Variants in MYO7B observed in about 807,000 individuals in gnomAD.
MYO7B encodes myosin VIIB.
A neutral mutation model predicts 259.7 loss-of-function variants in MYO7B; 212 were observed. The ratio of observed to expected loss-of-function variants is 0.82; its 90% CI spans 0.73 to 0.91. MYO7B has a LOEUF of 0.91. Ranked by LOEUF, MYO7B falls within the 40% of genes least tolerant of loss-of-function variation. The pLI, the probability that MYO7B is intolerant of heterozygous loss-of-function variation, is 0.00. For synonymous variants in MYO7B, 1,197 were observed against 1,166.4 expected (o/e 1.03, Z -0.54); for missense variants, 2,732 against 2,813.5 (o/e 0.97, Z 0.66).
intron 10 of MYO7B, among the ~76,000 whole-genome samples, chr2:127,581,635 C>A (rs895222192): frequency 3.3e-5 from 5 of 152,162 alleles, no homozygotes; most frequent in African/African-American, 1.2e-4. Flanking sequence ...CCCTCACCCT[C>A]ATTTTCCAAG....
intron 18 of MYO7B, 124 bp from the exon 19 acceptor site, chr2:127,596,338 T>A (rs555485128): frequency 1.0e-5 from 8 of 762,866 alleles, no homozygotes; most frequent in African/African-American, 1.0e-4. Context: ...AGGGCCCCCT[T>A]CTCTGGCCTG....
intron 5 of MYO7B, among the ~76,000 whole-genome samples, chr2:127,568,930 A>G (rs1302085001): frequency 4.8e-5 from 7 of 146,890 alleles, no homozygotes; most frequent in Admixed American, 6.8e-5. Context: ...TTTTCAGGCC[A>G]AGCACGGTGG....
At position 127,585,343 on chromosome 2, in the gene MYO7B, TG is replaced by T. The variant is rs1341663395; in HGVS notation, c.1690+432del. Among the ~76,000 whole-genome samples, 2 of 152,176 alleles carry T rather than the reference TG, an allele frequency of 1.3e-5. No individual in the cohort carries two copies. Among genetic ancestry groups the T allele is most frequent in the African/African-American group, 4.8e-5 (2 of 41,432 alleles). ...TGCATAAATGGAACCATATAATACG[TG>T]GTCTTCTGTGGCTGGTTTCTTTCAC... On this transcript the variant is annotated intron_variant, in intron 14 of 47. Transcript: ENST00000409816. The surrounding 1 kb of genome is among the most constrained non-coding windows in gnomAD (Gnocchi z 4.3).
rs1300744681 is a variant in MYO7B, at chr2:127,609,943, T to C, written c.3119T>C (p.Val1040Ala). 1 of 1,608,140 alleles carries C rather than the reference T, an allele frequency of 6.2e-7. No homozygotes were observed. Among genetic ancestry groups the C allele is most frequent in the African/African-American group, 1.3e-5 (1 of 74,798 alleles). Residue 1040 changes from valine to alanine, a missense_variant, in exon 24 of 48, where the codon GTG (valine) becomes GCG (alanine). Around this residue, in one of 3 missense-constraint regions of MYO7B, gnomAD observed 1,906 missense variants for 2,026.4 expected, o/e 0.94. Coordinates refer to ENST00000409816, the MANE Select transcript of MYO7B (RefSeq NM_001393586.1). The surrounding 1 kb of genome is among the most constrained non-coding windows in gnomAD (Gnocchi z 6.9). ...AGGAGCAGCCAGCAGGGCAGCTCAG[T>C]GATGCGGCAGATCCATGACACGCTG... ...YARSSQQGSS[V>A]MRQIHDTLGR...
Position 127,627,979 on chromosome 2 carries a change from C to T in MYO7B, c.4461-393C>T, listed in dbSNP as rs987058964. ...CCTGTATGCCACGAAGTACCGACAG[C>T]ATCACCCATTCTGCAGATGAGCGGA... is the stretch of plus-strand genomic sequence containing the variant. On this transcript the variant is annotated intron_variant, in intron 33 of 47. Transcript: ENST00000409816. The surrounding 1 kb of genome is among the most constrained non-coding windows in gnomAD (Gnocchi z 5.6). 7 of 470,236 alleles carry T rather than the reference C, an allele frequency of 1.5e-5. No individual in the cohort carries two copies. Among genetic ancestry groups the T allele is most frequent in the Non-Finnish European group, 2.1e-5 (5 of 236,594 alleles). The allele number at this position is 470,236 out of a possible 1,614,324, so 29.1% of individuals were successfully genotyped here. A position where few individuals can be genotyped will look rare whatever the true frequency, so the allele number is the denominator to read the frequency against.
In MYO7B at chr2:127,576,606, G is replaced by A. The variant is rs1281747586; in HGVS notation, c.747G>A (p.Glu249=). 3 of 1,600,816 alleles carry A rather than the reference G, an allele frequency of 1.9e-6. No homozygotes were observed. The highest frequency in any genetic ancestry group is 2.6e-6 in the Non-Finnish European group (3 of 1,170,790). The change falls in exon 8 of 48, where the codon GAG becomes GAA. Residue 249 remains glutamate, a synonymous_variant. Coordinates refer to ENST00000409816, the MANE Select transcript of MYO7B (RefSeq NM_001393586.1). This position sits in a 1 kb window ranked among gnomAD's most constrained non-coding sequence, Gnocchi z 4.9. ...KSRVCRQAPE[E]RNYHIFYCML... ...TCCCTCCCTCCCAGGCTCCCGAGGAGCGGAACTACCATATCTTCTACTGCA... is the reference window on the plus strand; with the variant it reads ...TCCCTCCCTCCCAGGCTCCCGAGGAACGGAACTACCATATCTTCTACTGCA...
intron 37 of MYO7B, 84 bp from the exon 38 acceptor site, chr2:127,631,516 C>T: frequency 1.3e-6 from 2 of 1,543,408 alleles, no homozygotes; most frequent in Admixed American, 3.7e-5. Context: ...TGGCTCACCG[C>T]AGGGCCGGGG....
intron 19 of MYO7B, among the ~76,000 whole-genome samples, chr2:127,600,316 T>C (rs1679916790): frequency 6.6e-6 from 1 of 152,246 alleles, no homozygotes; most frequent in African/African-American, 2.4e-5. Flanking sequence ...ATCCTCTTGA[T>C]ATCTGCAGAC....
At position 127,584,834 on chromosome 2, in the gene MYO7B, C is replaced by T. The variant is rs1488748341; in HGVS notation, c.1611C>T (p.Ala537=). The T allele has an allele frequency of 1.9e-6, 3 of 1,613,984 alleles. No homozygotes were observed. The East Asian group carries it at 6.7e-5, about 36-fold the overall frequency. The change falls in exon 14 of 48, where the codon GCC becomes GCT. Residue 537 remains alanine, a synonymous_variant. Coordinates refer to ENST00000409816, the MANE Select transcript of MYO7B (RefSeq NM_001393586.1). The surrounding 1 kb of genome is among the most constrained non-coding windows in gnomAD (Gnocchi z 5.8). ...KLNSVHANNK[A]FLQPKNIHDA... ...ACAGCGTCCATGCCAACAACAAGGCCTTCCTACAGCCCAAGAACATCCACG... is the reference window on the plus strand; with the variant it reads ...ACAGCGTCCATGCCAACAACAAGGCTTTCCTACAGCCCAAGAACATCCACG...
rs747471431 is a variant in MYO7B, at chr2:127,566,665, T to C, written c.308T>C (p.Val103Ala). The change falls in exon 5 of 48, where the codon GTG becomes GCG. Residue 103 changes from valine to alanine, a missense_variant. By Grantham distance (64) the Val-to-Ala change is moderately conservative. Transcript: ENST00000409816. ...CAGACATACACAGGCTCCATCCTGG[T>C]GGCCGTCAACCCGTTCCAGGTGCTG... ...KIYTYTGSIL[V>A]AVNPFQVLPL... is the part of the protein sequence containing the mutation. 6.3e-7 allele frequency: 1 copy of C among 1,597,020 alleles called. No individual in the cohort carries two copies. Among genetic ancestry groups the C allele is most frequent in the South Asian group, 1.1e-5 (1 of 88,702 alleles).
intron 35 of MYO7B, 143 bp downstream of exon 35, chr2:127,629,969 A>T (rs992034135): frequency 4.7e-6 from 4 of 848,624 alleles, no homozygotes; most frequent in Non-Finnish European, 6.5e-6. Flanking sequence ...AGCCCCCACC[A>T]TTCCTGCGGC....
chr2:127,578,549 G>C (rs1678977070), intron 9 of MYO7B, among the ~76,000 whole-genome samples: 1 of 152,164 alleles, frequency 6.6e-6, no homozygotes, highest in Non-Finnish European at 1.5e-5. Flanking sequence ...TCCCCCTTAA[G>C]GTTCAGGTAA....
intron 1 of MYO7B, among the ~76,000 whole-genome samples, chr2:127,537,638 G>C (rs1046272875): frequency 1.3e-5 from 2 of 151,946 alleles, no homozygotes; most frequent in African/African-American, 2.4e-5. Flanking sequence ...AACATGGGGA[G>C]ACTCCATCTC....
In MYO7B at chr2:127,605,841, T is replaced by C. The variant is rs1007412970; in HGVS notation, c.2340-3T>C. 3.2e-5 allele frequency: 52 copies of C among 1,613,262 alleles called. No homozygotes were observed. Among genetic ancestry groups the C allele is most frequent in the Non-Finnish European group, 4.4e-5 (52 of 1,179,658 alleles). On this transcript the variant is annotated splice_region_variant and splice_polypyrimidine_tract_variant and intron_variant, in intron 19 of 47. Transcript: ENST00000409816. ...ATGTGTGTGGCTTGCATTGCCCTTC[T>C]AGGAAGGAGTTCCTGAGGCAGAGGC...
chr2:127,592,071 G>A (rs1283475621), intron 16 of MYO7B, among the ~76,000 whole-genome samples: 1 of 152,200 alleles, frequency 6.6e-6, no homozygotes, highest in African/African-American at 2.4e-5. Flanking sequence ...TTTCCACCCC[G>A]ACCTATGTAG....
At chr2:127,631,486 G>A in intron 37 of MYO7B, 114 bp from the exon 38 acceptor site, 2 of 1,522,002 alleles carry the variant, frequency 1.3e-6, no homozygotes, top group South Asian at 2.6e-5. Context: ...AACCTGGAGT[G>A]GCGGGACAGA....
chr2:127,622,167 C>G (rs891591717), intron 28 of MYO7B, 66 bp downstream of exon 28: 2 of 1,494,646 alleles, frequency 1.3e-6, no homozygotes, highest in African/African-American at 2.8e-5. Flanking sequence ...ACCCCCAGCA[C>G]AGCTCATGGG....
At chr2:127,617,551 G>A (rs1168604797) in intron 26 of MYO7B, among the ~76,000 whole-genome samples, 1 of 125,102 alleles carries the variant, frequency 8.0e-6, no homozygotes, top group Non-Finnish European at 1.6e-5. Context: ...GCCAGACTGC[G>A]GACTGCAGTG....
At chr2:127,581,528 G>A (rs1308031325) in intron 10 of MYO7B, among the ~76,000 whole-genome samples, 3 of 152,162 alleles carry the variant, frequency 2.0e-5, no homozygotes, top group African/African-American at 7.2e-5. Context: ...TCCAGTGGAG[G>A]GCTGGCCCAG....
Sources: allele counts gnomAD v4.1 joint callset (sites outside exome capture counted in the v4.1 genomes callset), GRCh38; gene constraint gnomAD v4.1.1; regional missense constraint gnomAD v4.1.1; non-coding constraint Gnocchi (gnomAD v3.1); transcripts MANE v1.5; gene names NCBI Gene and HGNC (gene_info 2026-07-23, HGNC 2026-07-21).